The following HMBOX1 variants were observed in gnomAD, a reference collection of about 807,000 sequenced individuals.
HMBOX1 encodes homeobox-containing protein 1.
A neutral mutation model predicts 54.5 loss-of-function variants in HMBOX1; 14 were observed. The ratio of observed to expected loss-of-function variants is 0.26; its 90% CI spans 0.17 to 0.40. The LOEUF is 0.40. Ranked by LOEUF, HMBOX1 falls within the 10% of genes least tolerant of loss-of-function variation. HMBOX1 has a pLI of 1.00. For synonymous variants in HMBOX1, 160 were observed against 181.0 expected, an observed-to-expected ratio of 0.88 and a Z score of 0.93; for missense variants, 332 against 514.4, an observed-to-expected ratio of 0.65 and a Z score of 3.43.
At chr8:28,897,092 C>T (rs1464830867) in intron 1 of HMBOX1, among the ~76,000 whole-genome samples, 1 of 151,360 alleles carries the variant, frequency 6.6e-6, no homozygotes, top group African/African-American at 2.4e-5. Context: ...TCAAGTGATT[C>T]TCCTGCCTCA....
chr8:28,952,158 T>TAAAAAAAAAA (rs3053470), intron 1 of HMBOX1, among the ~76,000 whole-genome samples: 1 of 127,810 alleles, frequency 7.8e-6, no homozygotes, highest in Non-Finnish European at 1.6e-5. Context: ...GACCCTATCT[T>TAAAAAAAAAA]AAAAAAAAAA....
At chr8:28,952,796 T>A (rs1280652747) in intron 1 of HMBOX1, among the ~76,000 whole-genome samples, 1 of 152,236 alleles carries the variant, frequency 6.6e-6, no homozygotes, top group Non-Finnish European at 1.5e-5. Context: ...CTGTATGTAA[T>A]AATTCTTTTG....
chr8:29,048,932 G>A, intron 8 of HMBOX1, 22 bp from the exon 9 acceptor site: 2 of 1,526,030 alleles, frequency 1.3e-6, no homozygotes, highest in Non-Finnish European at 1.8e-6. Flanking sequence ...ATAATTTAGG[G>A]ATCTATTTGC....
intron 1 of HMBOX1, among the ~76,000 whole-genome samples, chr8:28,917,215 A>G (rs1311830111): frequency 1.3e-5 from 2 of 152,138 alleles, no homozygotes; most frequent in Non-Finnish European, 2.9e-5. Flanking sequence ...AACACTGTAT[A>G]TCTCTCCATT....
At chr8:29,037,529 T>C (rs1383785304) in intron 6 of HMBOX1, among the ~76,000 whole-genome samples, 1 of 152,148 alleles carries the variant, frequency 6.6e-6, no homozygotes, top group East Asian at 1.9e-4. Context: ...AAGATAGTAA[T>C]TGTTAACATT....
At chr8:29,010,064 G>C in intron 5 of HMBOX1, 1 of 984,616 alleles carries the variant, frequency 1.0e-6, no homozygotes, top group Non-Finnish European at 1.2e-6. Context: ...GTAAGTATGT[G>C]ATAAGATTTT....
chr8:29,027,071 TTGAC>T (rs1037331833), intron 6 of HMBOX1, among the ~76,000 whole-genome samples: 6 of 152,226 alleles, frequency 3.9e-5, no homozygotes, highest in African/African-American at 1.4e-4. Flanking sequence ...AAATATATAA[TTGAC>T]TAATATTTAT....
intron 1 of HMBOX1, among the ~76,000 whole-genome samples, chr8:28,918,533 A>G (rs960279626): frequency 1.3e-5 from 2 of 152,164 alleles, no homozygotes; most frequent in African/African-American, 2.4e-5. Context: ...GTATGTATTC[A>G]AGGAGCTGGT....
chr8:28,964,020 C>A lies in HMBOX1; in HGVS notation c.23+130C>A, dbSNP rs75333578. The A allele has an allele frequency of 1.9e-3, 1,189 of 637,598 alleles. 6 individuals are homozygous for A. In the African/African-American group the frequency reaches 0.02, roughly 11 times the overall value. 39.5% of individuals were successfully genotyped at this position (637,598 alleles called of 1,614,324 possible). ...TGAAAAGCTTTTTTAGAAAATGAAT[C>A]AAATGTTATACCTATTTGACATTAA... is the stretch of plus-strand genomic sequence containing the variant. On this transcript the variant is annotated intron_variant, in intron 2 of 9. Transcript: ENST00000287701.
At position 29,051,410 on chromosome 8, in the gene HMBOX1, T is replaced by C; in HGVS notation, c.*255T>C. 1 of 653,622 alleles carries C rather than the reference T, an allele frequency of 1.5e-6. No individual in the cohort carries two copies. The highest frequency in any genetic ancestry group is 2.2e-5 in the Admixed American group (1 of 44,940). 40.5% of individuals were successfully genotyped at this position (653,622 alleles called of 1,614,324 possible). A position where few individuals can be genotyped will look rare whatever the true frequency, so the allele number is the denominator to read the frequency against. On this transcript the variant is annotated 3_prime_UTR_variant, in exon 10 of 10. Transcript: ENST00000287701. ...TCCCAGCCCCCGAGGCTAGAAAATC[T>C]TGCTGCTCCGTCTTAGCATTCCAAG...
At chr8:28,931,413 A>G (rs1057248801) in intron 1 of HMBOX1, among the ~76,000 whole-genome samples, 1 of 152,212 alleles carries the variant, frequency 6.6e-6, no homozygotes, top group African/African-American at 2.4e-5. Flanking sequence ...TAAGTGTGAC[A>G]ACTTATTAGA....
intron 1 of HMBOX1, among the ~76,000 whole-genome samples, chr8:28,894,963 A>G (rs1563339282): frequency 6.6e-6 from 1 of 151,952 alleles, no homozygotes; most frequent in Non-Finnish European, 1.5e-5. Context: ...AACAGTAACA[A>G]TAGTCTGATT....
intron 1 of HMBOX1, among the ~76,000 whole-genome samples, chr8:28,956,516 T>TTC (rs919797579): frequency 5.3e-5 from 8 of 152,038 alleles, no homozygotes; most frequent in African/African-American, 1.5e-4. Context: ...AAAAATGCAA[T>TTC]TGTTTTTTTT....
intron 4 of HMBOX1, among the ~76,000 whole-genome samples, chr8:28,999,288 G>C: frequency 6.6e-6 from 1 of 151,940 alleles, no homozygotes. Context: ...GTATGTAATG[G>C]GTCACTTCTC....
chr8:28,938,957 G>C (rs1280225571), intron 1 of HMBOX1, among the ~76,000 whole-genome samples: 1 of 152,076 alleles, frequency 6.6e-6, no homozygotes, highest in Non-Finnish European at 1.5e-5. Context: ...GGGAGTTTCA[G>C]ACCAACCTGG....
At chr8:29,013,639 A>T (rs1280086387) in intron 5 of HMBOX1, among the ~76,000 whole-genome samples, 1 of 152,254 alleles carries the variant, frequency 6.6e-6, no homozygotes, top group Non-Finnish European at 1.5e-5. Context: ...AAGCCTGCCA[A>T]GGCATATTAA....
chr8:28,999,206 G>A (rs1832291301), intron 4 of HMBOX1, among the ~76,000 whole-genome samples: 1 of 152,080 alleles, frequency 6.6e-6, no homozygotes, highest in Non-Finnish European at 1.5e-5. Flanking sequence ...TTACTCATCT[G>A]AAAATGTCTT....
chr8:29,051,516 TGTA>T lies in HMBOX1; in HGVS notation c.*362_*364del. 1 of 702,920 alleles carries T rather than the reference TGTA, an allele frequency of 1.4e-6. No individual in the cohort carries two copies. The highest frequency in any genetic ancestry group is 2.6e-6 in the Non-Finnish European group (1 of 384,940). 43.5% of individuals were successfully genotyped at this position (702,920 alleles called of 1,614,324 possible). A position where few individuals can be genotyped will look rare whatever the true frequency, so the allele number is the denominator to read the frequency against. ...AAAATCTTGGGTACCTTTAGATTCT[TGTA>T]ACACTAGTCTGTACTCCCTTTTCCT... On this transcript the variant is annotated 3_prime_UTR_variant, in exon 10 of 10. Transcript: ENST00000287701.
chr8:28,969,430 G>A (rs1247716649), intron 2 of HMBOX1, among the ~76,000 whole-genome samples: 5 of 151,788 alleles, frequency 3.3e-5, no homozygotes, highest in East Asian at 1.9e-4. Flanking sequence ...GGAAAACTTA[G>A]GAAATTGCTA....
Sources: gnomAD v4.1 joint callset for allele counts (sites outside exome capture counted in the v4.1 genomes callset) on GRCh38, gnomAD v4.1.1 for gene constraint, MANE v1.5 for transcripts, NCBI Gene and HGNC (gene_info 2026-07-23, HGNC 2026-07-21) for gene names.